Variants in CHD8 observed in about 807,000 individuals in gnomAD.
CHD8 encodes the protein ATP-dependent chromatin remodeler CHD8.
In CHD8, 31 loss-of-function variants were observed where a neutral mutation model predicts 279.2. That is an observed-to-expected ratio of 0.11 (90% CI 0.08 to 0.15). The LOEUF is 0.15. CHD8 is among the 10% of genes least tolerant of loss of function. The pLI is 1.00. For synonymous variants in CHD8, 1,081 were observed against 1,139.6 expected, an observed-to-expected ratio of 0.95 and a Z score of 1.04; for missense variants, 2,146 against 3,230.5, an observed-to-expected ratio of 0.66 and a Z score of 8.14.
chr14:21,437,068 T>C (rs946164993), intron 1 of CHD8: 1 of 145,820 alleles, frequency 6.9e-6, no homozygotes, highest in Non-Finnish European at 1.3e-5. Context: ...ATGCGGGGGG[T>C]GGGGGGTGTG....
intron 1 of CHD8, chr14:21,437,033 G>A: frequency 2.7e-6 from 3 of 1,119,880 alleles, no homozygotes; most frequent in Middle Eastern, 2.4e-4. Flanking sequence ...GTGCCCTCCA[G>A]GGTGGGGATG....
At chr14:21,441,619 T>C (rs1025866807) in intron 1 of CHD8, among the ~76,000 whole-genome samples, 7 of 152,114 alleles carry the variant, frequency 4.6e-5, no homozygotes, top group South Asian at 2.1e-4. Flanking sequence ...CTGGGCGTGG[T>C]GGCTCATGCC....
At chr14:21,455,612 A>G (rs1890368866) in intron 1 of CHD8, among the ~76,000 whole-genome samples, 1 of 152,228 alleles carries the variant, frequency 6.6e-6, no homozygotes, top group South Asian at 2.1e-4. Flanking sequence ...GAAGAAAAAA[A>G]AATAAAAAGA....
chr14:21,412,927 T>C lies in CHD8; in HGVS notation c.2212A>G (p.Lys738Glu), dbSNP rs765294549. 6.2e-7 allele frequency: 1 copy of C among 1,604,402 alleles called. No individual in the cohort carries two copies. The highest frequency in any genetic ancestry group is 1.1e-5 in the South Asian group (1 of 90,746). ...RILDESHSID[K>E]DNGEPVIYYL... ...CAACAACTCACCTCCCCATTGTCCTTGTCAATACTGTGAGACTCATCCAAT... is the reference window on the plus strand; with the variant it reads ...CAACAACTCACCTCCCCATTGTCCTCGTCAATACTGTGAGACTCATCCAAT... The change falls in exon 10 of 38, where the codon AAG (lysine) becomes GAG (glutamate). Residue 738 changes from lysine (K) to glutamate (E), a missense_variant. This residue lies in a region of CHD8 where 211 missense variants were observed against 464.7 expected (regional missense o/e 0.45). Coordinates refer to ENST00000646647, the MANE Select transcript of CHD8 (RefSeq NM_001170629.2).
In CHD8 at chr14:21,428,377, T is replaced by A; in HGVS notation, c.1216-123A>T. 4.7e-6 allele frequency: 4 copies of A among 857,074 alleles called. No homozygotes were observed. In the Admixed American group the frequency reaches 8.4e-5, roughly 18 times the overall value. The allele number at this position is 857,074 out of a possible 1,614,324, so 53.1% of individuals were successfully genotyped here. A position where few individuals can be genotyped will look rare whatever the true frequency, so the allele number is the denominator to read the frequency against. On this transcript the variant is annotated intron_variant, in intron 3 of 37. Transcript: ENST00000646647. ...AATCCCTCAAGAATCAAGCTCAGAC[T>A]AAATCTTATTGAACCTACACCTACT...
intron 2 of CHD8, 43 bp downstream of exon 2, chr14:21,430,758 C>T (rs1197749437): frequency 1.5e-6 from 2 of 1,341,540 alleles, no homozygotes; most frequent in South Asian, 1.3e-5. Context: ...TTGCTGGGCC[C>T]TCTATGAAAC....
chr14:21,432,676 A>G (rs1463691709), intron 1 of CHD8, among the ~76,000 whole-genome samples: 2 of 152,128 alleles, frequency 1.3e-5, no homozygotes, highest in Non-Finnish European at 2.9e-5. Flanking sequence ...TCTCCATCCC[A>G]ATGCCAATAA....
At chr14:21,454,243 A>G (rs1205164302) in intron 1 of CHD8, among the ~76,000 whole-genome samples, 2 of 151,660 alleles carry the variant, frequency 1.3e-5, no homozygotes, top group Non-Finnish European at 3.0e-5. Context: ...AAAAGAGCAG[A>G]TGCACAGGAC....
intron 10 of CHD8, 25 bp downstream of exon 10, chr14:21,412,888 G>A (rs369081198): frequency 1.8e-5 from 26 of 1,425,504 alleles, no homozygotes; most frequent in Admixed American, 1.0e-4. Context: ...GGATGTTCAC[G>A]TTACTCCATG....
At chr14:21,432,653 C>T (rs1404227001) in intron 1 of CHD8, among the ~76,000 whole-genome samples, 1 of 152,084 alleles carries the variant, frequency 6.6e-6, no homozygotes, top group African/African-American at 2.4e-5. Flanking sequence ...TGCTTTCTGC[C>T]TGGAACACGT....
intron 34 of CHD8, chr14:21,392,271 T>G (rs1449729423): frequency 1.3e-6 from 1 of 754,032 alleles, no homozygotes; most frequent in Non-Finnish European, 2.4e-6. Flanking sequence ...CTGCTATTCC[T>G]AAGCATACTA....
At chr14:21,422,233 C>T (rs1158412148) in intron 5 of CHD8, among the ~76,000 whole-genome samples, 1 of 152,010 alleles carries the variant, frequency 6.6e-6, no homozygotes, top group African/African-American at 2.4e-5. Context: ...CCCAGCTACT[C>T]GGGAGGCTGA....
rs1566423315 is a variant in CHD8, at chr14:21,403,091, G to A, written c.3640C>T (p.Leu1214Phe). The A allele has an allele frequency of 6.2e-7, 1 of 1,614,050 alleles. No homozygotes were observed. Among genetic ancestry groups the A allele is most frequent in the South Asian group, 1.1e-5 (1 of 91,088 alleles). Residue 1214 changes from leucine (L) to phenylalanine (F), a missense_variant, in exon 18 of 38, where the codon CTT becomes TTT. Physicochemically the swap from Leu to Phe is conservative, Grantham distance 22 (BLOSUM62 0). This residue lies in a region of CHD8 where 48 missense variants were observed against 135.7 expected (regional missense o/e 0.35). Transcript: ENST00000646647. This position sits in a 1 kb window ranked among gnomAD's most constrained non-coding sequence, Gnocchi z 4.3. ...VFLLCTRAGG[L>F]GINLTAADTC... ...TCAGCAGCTGTAAGATTAATACCAAGTCCACCAGCCCGGGTACACAGTAAG... is the reference window on the plus strand; with the variant it reads ...TCAGCAGCTGTAAGATTAATACCAAATCCACCAGCCCGGGTACACAGTAAG...
At chr14:21,387,877 T>C (rs1314148873) in intron 37 of CHD8, among the ~76,000 whole-genome samples, 1 of 151,844 alleles carries the variant, frequency 6.6e-6, no homozygotes, top group Non-Finnish European at 1.5e-5. Flanking sequence ...TTCTATGATA[T>C]TTCTTAAGAG....
At chr14:21,423,598 A>C (rs747326001) in intron 5 of CHD8, among the ~76,000 whole-genome samples, 11 of 151,922 alleles carry the variant, frequency 7.2e-5, no homozygotes, top group Non-Finnish European at 1.5e-4. Context: ...GTGCAGTAGC[A>C]TGATCACAGC....
At position 21,431,749 on chromosome 14, in the gene CHD8, T is replaced by C. The variant is rs1889573222; in HGVS notation, c.-106A>G. ...CCTATTAAGAAAAAAATGTACACAA[T>C]GTAAGAGGACTACTCTTCAAGTATA... On this transcript the variant is annotated 5_prime_UTR_variant, in exon 2 of 38. Transcript: ENST00000646647. 2 of 1,612,500 alleles carry C rather than the reference T, an allele frequency of 1.2e-6. No homozygotes were observed. Among genetic ancestry groups the C allele is most frequent in the Non-Finnish European group, 1.7e-6 (2 of 1,178,926 alleles).
rs1334276406 is a variant in CHD8, at chr14:21,403,688, G to A, written c.3308-25C>T. 4.6e-6 allele frequency: 7 copies of A among 1,536,214 alleles called. No individual in the cohort carries two copies. The highest frequency in any genetic ancestry group is 1.9e-5 in the Admixed American group (1 of 51,610). Reference sequence around the variant, plus strand: ...CCTGCCAAAAGAAAAATCAAATTATGTTGAGATCCAGTGAACCATATTAAG... The same window carrying A: ...CCTGCCAAAAGAAAAATCAAATTATATTGAGATCCAGTGAACCATATTAAG... On this transcript the variant is annotated intron_variant, in intron 16 of 37. Coordinates refer to ENST00000646647, the MANE Select transcript of CHD8 (RefSeq NM_001170629.2). This position sits in a 1 kb window ranked among gnomAD's most constrained non-coding sequence, Gnocchi z 4.3.
intron 34 of CHD8, 150 bp from the exon 35 acceptor site, chr14:21,392,096 T>C (rs1594328022): frequency 2.6e-6 from 2 of 766,774 alleles, no homozygotes; most frequent in African/African-American, 1.7e-5. Context: ...AAATTAGAAA[T>C]ACAAGAAAAC....
Position 21,385,532 on chromosome 14 carries a change from C to T in CHD8, c.*81G>A. On this transcript the variant is annotated 3_prime_UTR_variant, in exon 38 of 38. Coordinates refer to ENST00000646647, the MANE Select transcript of CHD8 (RefSeq NM_001170629.2). ...TGGACTTCCCCACATCTCCCCTGCC[C>T]CTCCCACGTTTCCATAGTCCAAGGG... The T allele has an allele frequency of 6.8e-7, 1 of 1,462,842 alleles. No individual in the cohort carries two copies. Among genetic ancestry groups the T allele is most frequent in the South Asian group, 1.4e-5 (1 of 71,272 alleles). The allele number at this position is 1,462,842 out of a possible 1,614,324, so 90.6% of individuals were successfully genotyped here. A position where few individuals can be genotyped will look rare whatever the true frequency, so the allele number is the denominator to read the frequency against.
Sources: allele counts gnomAD v4.1 joint callset (sites outside exome capture counted in the v4.1 genomes callset), GRCh38; gene constraint gnomAD v4.1.1; regional missense constraint gnomAD v4.1.1; non-coding constraint Gnocchi (gnomAD v3.1); transcripts MANE v1.5; gene names NCBI Gene and HGNC (gene_info 2026-07-23, HGNC 2026-07-21).